The following PLA2G1B variants were observed in gnomAD, a reference collection of about 807,000 sequenced individuals.
PLA2G1B encodes phospholipase A2.
Under a neutral mutation model 12.5 loss-of-function variants are expected in PLA2G1B, and 12 were observed. The ratio of observed to expected loss-of-function variants is 0.96; its 90% CI spans 0.62 to 1.56. The LOEUF is 1.56. PLA2G1B is among the 40% of genes most tolerant of loss of function. The probability of loss-of-function intolerance (pLI) is 0.00; values close to 1 mark genes in which losing one functional copy is unlikely to be tolerated. For synonymous variants in PLA2G1B, 81 were observed against 73.4 expected (o/e 1.10, Z -0.53); for missense variants, 189 against 186.7 (o/e 1.01, Z -0.07).
intron 1 of PLA2G1B, 68 bp from the exon 2 acceptor site, chr12:120,326,088 T>TA (rs1873341810): frequency 1.3e-6 from 2 of 1,534,448 alleles, no homozygotes; most frequent in Non-Finnish European, 1.8e-6. Context: ...GCCTTCCTGC[T>TA]CCCTCGGGTC....
intron 1 of PLA2G1B, 57 bp downstream of exon 1, chr12:120,327,663 T>G (rs1592909720): frequency 2.3e-4 from 347 of 1,520,560 alleles, no homozygotes; most frequent in Non-Finnish European, 2.9e-4. Flanking sequence ...TCCAGAGGAG[T>G]GAGATCTTAG....
intron 1 of PLA2G1B, among the ~76,000 whole-genome samples, chr12:120,326,436 G>A (rs1056145716): frequency 2.7e-5 from 4 of 146,694 alleles, no homozygotes; most frequent in South Asian, 4.2e-4. Context: ...TCTGCTTCCC[G>A]GGTTCACGCC....
intron 1 of PLA2G1B, among the ~76,000 whole-genome samples, chr12:120,327,393 T>G (rs1406343111): frequency 6.6e-6 from 1 of 152,184 alleles, no homozygotes; most frequent in Non-Finnish European, 1.5e-5. Flanking sequence ...GAGGATCACT[T>G]GAGCCCACGA....
At chr12:120,326,567 C>T (rs1873353109) in intron 1 of PLA2G1B, among the ~76,000 whole-genome samples, 1 of 141,650 alleles carries the variant, frequency 7.1e-6, no homozygotes, top group African/African-American at 2.7e-5. Context: ...AGAGATACAG[C>T]AGTGAACAGA....
intron 3 of PLA2G1B, 134 bp downstream of exon 3, chr12:120,324,800 G>T: frequency 1.2e-6 from 1 of 857,464 alleles, no homozygotes; most frequent in African/African-American, 1.7e-5. Flanking sequence ...CCATAGTGTT[G>T]TTCTGAGGAT....
At chr12:120,323,152 AAATAAAC>A (rs1190349440) in intron 3 of PLA2G1B, among the ~76,000 whole-genome samples, 25 of 152,222 alleles carry the variant, frequency 1.6e-4, no homozygotes, top group African/African-American at 6.0e-4. Flanking sequence ...TTTATAACCA[AAATAAAC>A]AATAAGATTA....
rs1318729354 is a variant in PLA2G1B, at chr12:120,325,962, G to GAT, written c.91_92dup (p.Lys32SerfsTer4). On this transcript the variant is annotated frameshift_variant, in exon 2 of 4. Coordinates refer to ENST00000308366, the MANE Select transcript of PLA2G1B (RefSeq NM_000928.3). LOFTEE classifies it high-confidence loss of function. ...GGTCACTCCCCGGGATCACGCACTT[G>GAT]ATCATTTTGCGGAACTGCCACACGG... 1.2e-6 allele frequency: 2 copies of GAT among 1,614,028 alleles called. No homozygotes were observed. Among genetic ancestry groups the GAT allele is most frequent in the African/African-American group, 2.7e-5 (2 of 74,920 alleles).
Position 120,322,626 on chromosome 12 carries a change from G to A in PLA2G1B, c.323-309C>T, listed in dbSNP as rs200916826. ...TTTAAGACGGAGTTTCCCTTTTGTC[G>A]CCTAGGCTGGAGTGCAGTGGCGTGA... On this transcript the variant is annotated intron_variant, in intron 3 of 3. Coordinates refer to ENST00000308366, the MANE Select transcript of PLA2G1B (RefSeq NM_000928.3). Among the ~76,000 whole-genome samples, 10 of 152,098 alleles carry A rather than the reference G, an allele frequency of 6.6e-5. No homozygotes were observed. In the East Asian group the frequency reaches 9.7e-4, roughly 15 times the overall value.
At chr12:120,322,395 G>A (rs1057250390) in intron 3 of PLA2G1B, 78 bp from the exon 4 acceptor site, 16 of 1,382,040 alleles carry the variant, frequency 1.2e-5, no homozygotes, top group Non-Finnish European at 1.6e-5. Context: ...GAATTAACTG[G>A]AATAAGCTGG....
At chr12:120,327,605 A>C in intron 1 of PLA2G1B, 115 bp downstream of exon 1, 1 of 1,019,378 alleles carries the variant, frequency 9.8e-7, no homozygotes, top group South Asian at 1.3e-5. Flanking sequence ...CCTCGAATTG[A>C]GACTGCGGGG....
chr12:120,322,306 CTT>C lies in PLA2G1B; in HGVS notation c.332_333del (p.Lys111ArgfsTer3), dbSNP rs753775829. 2.5e-6 allele frequency: 4 copies of C among 1,613,736 alleles called. No homozygotes were observed. In the African/African-American group the frequency reaches 4.0e-5, roughly 16 times the overall value. On this transcript the variant is annotated frameshift_variant, in exon 4 of 4. Coordinates refer to ENST00000308366, the MANE Select transcript of PLA2G1B (RefSeq NM_000928.3). LOFTEE classifies it low-confidence loss of function (END_TRUNC). ...CAGTTGCAAATGAAGGCCTCACACT[CTT>C]TGTTTTTGCCTGGAGAGGGATGAAA... is the stretch of plus-strand genomic sequence containing the variant. ...GSAITCSSKN[K>X]ECEAFICNCD...
chr12:120,322,736 G>A (rs903468574), intron 3 of PLA2G1B, among the ~76,000 whole-genome samples: 14 of 151,988 alleles, frequency 9.2e-5, no homozygotes, highest in South Asian at 2.1e-4. Context: ...ACAGGTGCTC[G>A]CCACCATGCC....
At position 120,325,938 on chromosome 12, in the gene PLA2G1B, G is replaced by T. The variant is rs550435120; in HGVS notation, c.117C>A (p.Asp39Glu). ...KMIKCVIPGS[D>E]PFLEYNNYGC... is the part of the protein sequence containing the mutation. ...CGTAGTTGTTGTATTCCAAGAAGGG[G>T]TCACTCCCCGGGATCACGCACTTGA... Residue 39 changes from aspartate (D) to glutamate (E), a missense_variant, in exon 2 of 4, where the codon GAC becomes GAA. Coordinates refer to ENST00000308366, the MANE Select transcript of PLA2G1B (RefSeq NM_000928.3). 1.9e-6 allele frequency: 3 copies of T among 1,614,014 alleles called. No homozygotes were observed. The highest frequency in any genetic ancestry group is 2.5e-6 in the Non-Finnish European group (3 of 1,179,988).
intron 1 of PLA2G1B, among the ~76,000 whole-genome samples, chr12:120,326,798 G>A (rs955344556): frequency 1.3e-4 from 20 of 151,736 alleles, no homozygotes; most frequent in African/African-American, 3.6e-4. Flanking sequence ...ATGAAACCCC[G>A]TCTTTATTAA....
Position 120,325,921 on chromosome 12 carries a change from T to C in PLA2G1B, c.134A>G (p.Asn45Ser). The C allele has an allele frequency of 1.2e-6, 2 of 1,614,136 alleles. No homozygotes were observed. The highest frequency in any genetic ancestry group is 1.7e-6 in the Non-Finnish European group (2 of 1,180,014). The change falls in exon 2 of 4, where the codon AAC (asparagine) becomes AGC (serine). Residue 45 changes from asparagine to serine, a missense_variant. By Grantham distance (46) the Asn-to-Ser change is conservative (BLOSUM62 1). Coordinates refer to ENST00000308366, the MANE Select transcript of PLA2G1B (RefSeq NM_000928.3). ...CAAGCCACAGTAGCAGCCGTAGTTGTTGTATTCCAAGAAGGGGTCACTCCC... is the reference window on the plus strand; with the variant it reads ...CAAGCCACAGTAGCAGCCGTAGTTGCTGTATTCCAAGAAGGGGTCACTCCC... ...IPGSDPFLEY[N>S]NYGCYCGLGG...
chr12:120,325,023 T>C lies in PLA2G1B; in HGVS notation c.233A>G (p.Lys78Arg), dbSNP rs1236009669. 2 of 1,614,038 alleles carry C rather than the reference T, an allele frequency of 1.2e-6. No homozygotes were observed. Among genetic ancestry groups the C allele is most frequent in the Non-Finnish European group, 1.7e-6 (2 of 1,179,976 alleles). Residue 78 changes from lysine (K) to arginine (R), a missense_variant, in exon 3 of 4, where the codon AAG (lysine) becomes AGG (arginine). By Grantham distance (26) the Lys-to-Arg change is conservative. Transcript: ENST00000308366. ...CAGAAATTTACAGCTGTCCAGCTTCTTGGCCTGGTCATAGCAGTTGTCATG... is the reference window on the plus strand; with the variant it reads ...CAGAAATTTACAGCTGTCCAGCTTCCTGGCCTGGTCATAGCAGTTGTCATG... ...QTHDNCYDQAKKLDSCKFLLD... is the reference protein window; with the variant it reads ...QTHDNCYDQARKLDSCKFLLD...
Position 120,325,980 on chromosome 12 carries a change from C to A in PLA2G1B, c.75G>T (p.Trp25Cys), listed in dbSNP as rs766897588. 1.3e-5 allele frequency: 21 copies of A among 1,613,976 alleles called. No homozygotes were observed. Among genetic ancestry groups the A allele is most frequent in the Admixed American group, 5.0e-5 (3 of 59,978 alleles). Reference protein sequence around the residue: ...ADSGISPRAVWQFRKMIKCVI... With the variant: ...ADSGISPRAVCQFRKMIKCVI... Reference sequence around the variant, plus strand: ...CGCACTTGATCATTTTGCGGAACTGCCACACGGCCCGAGGGCTGATGCCGC... The same window carrying A: ...CGCACTTGATCATTTTGCGGAACTGACACACGGCCCGAGGGCTGATGCCGC... Residue 25 changes from tryptophan to cysteine, a missense_variant, in exon 2 of 4, where the codon TGG becomes TGT. Trp to Cys is a radical substitution (Grantham distance 215). Coordinates refer to ENST00000308366, the MANE Select transcript of PLA2G1B (RefSeq NM_000928.3).
intron 3 of PLA2G1B, among the ~76,000 whole-genome samples, chr12:120,323,796 A>C (rs529555874): frequency 1.1e-4 from 17 of 152,304 alleles, no homozygotes; most frequent in Non-Finnish European, 1.6e-4. Context: ...ACAATGAAAA[A>C]ACAGTAACAA....
intron 3 of PLA2G1B, among the ~76,000 whole-genome samples, chr12:120,323,391 G>A (rs1418762309): frequency 6.6e-6 from 1 of 151,852 alleles, no homozygotes; most frequent in Non-Finnish European, 1.5e-5. Flanking sequence ...TCAGCCTCCC[G>A]AGTAGCTGGG....
Sources: allele counts gnomAD v4.1 joint callset (sites outside exome capture counted in the v4.1 genomes callset), GRCh38; gene constraint gnomAD v4.1.1; transcripts MANE v1.5; gene names NCBI Gene and HGNC (gene_info 2026-07-23, HGNC 2026-07-21).